CFAP58: variants seen among roughly 807,000 people sequenced by gnomAD.
The protein encoded by CFAP58 is cilia and flagella associated protein 58.
A neutral mutation model predicts 119.5 loss-of-function variants in CFAP58; 88 were observed. The observed-to-expected ratio is 0.74, with a 90% CI of 0.62 to 0.88. The LOEUF is 0.88. Among genes scored for constraint, CFAP58 ranks in the 40% least tolerant of loss-of-function variants. The pLI, the probability that CFAP58 is intolerant of heterozygous loss-of-function variation, is 0.00. For synonymous variants in CFAP58, 365 were observed against 366.3 expected (o/e 1.00, Z 0.04); for missense variants, 990 against 1,021.2 (o/e 0.97, Z 0.42).
At position 104,380,185 on chromosome 10, in the gene CFAP58, C is replaced by T. The variant is rs766901777; in HGVS notation, c.1330C>T (p.Arg444Trp). 15 of 1,613,810 alleles carry T rather than the reference C, an allele frequency of 9.3e-6. No homozygotes were observed. Among genetic ancestry groups the T allele is most frequent in the South Asian group, 5.5e-5 (5 of 91,078 alleles). ...IIFHLEKERD[R>W]YINQASDLTQ... The stretch of plus-strand genomic sequence containing the variant: ...CTTTCATCTGGAAAAGGAGCGTGAC[C>T]GGTACATCAACCAAGCCAGTGACCT... The change falls in exon 9 of 18, where the codon CGG becomes TGG. Residue 444 changes from arginine (R) to tryptophan (W), a missense_variant. Coordinates refer to ENST00000369704, the MANE Select transcript of CFAP58 (RefSeq NM_001008723.2).
chr10:104,381,786 A>G (rs2011809846), intron 9 of CFAP58, among the ~76,000 whole-genome samples: 1 of 152,298 alleles, frequency 6.6e-6, no homozygotes, highest in Non-Finnish European at 1.5e-5. Flanking sequence ...CTACTGGAGG[A>G]GCACAGTGCC....
intron 6 of CFAP58, among the ~76,000 whole-genome samples, chr10:104,369,007 A>G (rs575539193): frequency 2.6e-5 from 4 of 152,310 alleles, no homozygotes; most frequent in Admixed American, 6.5e-5. Context: ...CTTCTGTCCA[A>G]TGTATATTTT....
chr10:104,392,624 A>G (rs1194675916), intron 10 of CFAP58, among the ~76,000 whole-genome samples: 1 of 147,868 alleles, frequency 6.8e-6, no homozygotes, highest in East Asian at 2.0e-4. Flanking sequence ...TAGAATTACT[A>G]TTCTCGTCTT....
the CFAP58 span, among the ~76,000 whole-genome samples, chr10:104,345,283 G>GA: frequency 6.6e-6 from 1 of 151,840 alleles, no homozygotes; most frequent in East Asian, 1.9e-4. Flanking sequence ...TTGTGGGTAA[G>GA]AAAAAAAAGA....
chr10:104,433,125 G>A (rs188615158), intron 15 of CFAP58, among the ~76,000 whole-genome samples: 30 of 152,224 alleles, frequency 2.0e-4, no homozygotes, highest in South Asian at 1.0e-3. Context: ...ACAGGGTCTC[G>A]TTCCATCACC....
chr10:104,454,557 G>A lies in CFAP58; in HGVS notation c.*27G>A. On this transcript the variant is annotated 3_prime_UTR_variant, in exon 18 of 18. Transcript: ENST00000369704. ...CTGAAGCTGCTGGCTGTTTCCAGTT[G>A]AACAACTCATGAAATCTGCTCTGGG... The A allele has an allele frequency of 1.3e-6, 2 of 1,536,452 alleles. No individual in the cohort carries two copies. The highest frequency in any genetic ancestry group is 1.8e-6 in the Non-Finnish European group (2 of 1,109,562).
the CFAP58 span, among the ~76,000 whole-genome samples, chr10:104,344,674 TG>T: frequency 4.6e-5 from 7 of 151,470 alleles, no homozygotes; most frequent in Non-Finnish European, 5.9e-5. Context: ...TATCTTAGAC[TG>T]GTCTCTGCTG....
the CFAP58 span, among the ~76,000 whole-genome samples, chr10:104,346,523 AT>A: frequency 6.7e-5 from 10 of 150,070 alleles, 1 homozygote; most frequent in East Asian, 7.8e-4. Flanking sequence ...CATTAAAAAA[AT>A]TTTTTTTTGT....
chr10:104,412,206 G>A (rs1315794779), intron 15 of CFAP58, among the ~76,000 whole-genome samples: 1 of 152,076 alleles, frequency 6.6e-6, no homozygotes, highest in East Asian at 1.9e-4. Flanking sequence ...TTATTTGCTT[G>A]ACTCACTAGT....
intron 2 of CFAP58, among the ~76,000 whole-genome samples, chr10:104,359,098 A>C (rs1302266883): frequency 6.6e-6 from 1 of 152,138 alleles, no homozygotes; most frequent in Non-Finnish European, 1.5e-5. Context: ...CCAGTTCCTC[A>C]TAATAGGAGA....
chr10:104,348,506 C>G, the CFAP58 span, among the ~76,000 whole-genome samples: 16 of 152,136 alleles, frequency 1.1e-4, no homozygotes, highest in Admixed American at 1.0e-3. Context: ...TTTGAGATAT[C>G]TGGCAGAAAA....
chr10:104,368,382 C>G lies in CFAP58; in HGVS notation c.793-41C>G, dbSNP rs750112240. 12 of 1,605,450 alleles carry G rather than the reference C, an allele frequency of 7.5e-6. No homozygotes were observed. In the East Asian group the frequency reaches 1.6e-4, roughly 21 times the overall value. ...TGTGTGTATATCCAACTATTGTAAT[C>G]AGATTAAAAAGCATTAACCAGCTCA... is the stretch of plus-strand genomic sequence containing the variant. On this transcript the variant is annotated intron_variant, in intron 5 of 17. Coordinates refer to ENST00000369704, the MANE Select transcript of CFAP58 (RefSeq NM_001008723.2).
intron 15 of CFAP58, among the ~76,000 whole-genome samples, chr10:104,445,333 A>AC (rs1554926393): frequency 1.5e-3 from 222 of 151,846 alleles, no homozygotes; most frequent in Admixed American, 2.1e-3. Context: ...AAAAAAAAAA[A>AC]AAACAACAAC....
intron 1 of CFAP58, among the ~76,000 whole-genome samples, chr10:104,357,970 C>CATGTACACAT (rs2014603696): frequency 4.7e-5 from 5 of 105,514 alleles, no homozygotes; most frequent in Middle Eastern, 5.3e-3. Context: ...TATATGTACA[C>CATGTACACAT]ATATGTACAT....
chr10:104,402,347 G>C (rs929126102), intron 13 of CFAP58, among the ~76,000 whole-genome samples: 2 of 152,220 alleles, frequency 1.3e-5, no homozygotes, highest in African/African-American at 2.4e-5. Context: ...ATTCTAAGCA[G>C]CTTGCTCTGA....
At position 104,399,472 on chromosome 10, in the gene CFAP58, G is replaced by C; in HGVS notation, c.1787G>C (p.Arg596Thr). 6.2e-7 allele frequency: 1 copy of C among 1,613,730 alleles called. No homozygotes were observed. The highest frequency in any genetic ancestry group is 8.5e-7 in the Non-Finnish European group (1 of 1,179,820). ...LRIIAEADGERLRQKKELDQV... is the reference protein window; with the variant it reads ...LRIIAEADGETLRQKKELDQV... ...ATAATTGCTGAGGCTGACGGGGAGA[G>C]GTTGAGACAGAAGAAGGAATTAGAC... is the stretch of plus-strand genomic sequence containing the variant. Residue 596 changes from arginine (R) to threonine (T), a missense_variant, in exon 12 of 18, where the codon AGG becomes ACG. Arg to Thr is a moderately conservative substitution (Grantham distance 71). Transcript: ENST00000369704.
intron 15 of CFAP58, among the ~76,000 whole-genome samples, chr10:104,420,125 G>A (rs2012631139): frequency 9.1e-6 from 1 of 109,398 alleles, no homozygotes; most frequent in Admixed American, 8.6e-5. Flanking sequence ...GATGTTTGGG[G>A]CCTTTTTTTT....
At chr10:104,414,837 T>A (rs984614089) in intron 15 of CFAP58, among the ~76,000 whole-genome samples, 17 of 151,988 alleles carry the variant, frequency 1.1e-4, no homozygotes, top group African/African-American at 3.4e-4. Flanking sequence ...GCCCGGCTAA[T>A]TTTTTTTGTA....
At chr10:104,445,334 A>AAC (rs1554926397) in intron 15 of CFAP58, among the ~76,000 whole-genome samples, 6 of 150,772 alleles carry the variant, frequency 4.0e-5, no homozygotes, top group Non-Finnish European at 8.9e-5. Context: ...AAAAAAAAAA[A>AAC]AACAACAACA....
Sources: gnomAD v4.1 joint callset for allele counts (sites outside exome capture counted in the v4.1 genomes callset) on GRCh38, gnomAD v4.1.1 for gene constraint, MANE v1.5 for transcripts, NCBI Gene and HGNC (gene_info 2026-07-23, HGNC 2026-07-21) for gene names.